Variants in ARHGAP39 observed in about 807,000 individuals in gnomAD.
The protein encoded by ARHGAP39 is rho GTPase-activating protein 39.
A neutral mutation model predicts 106.9 loss-of-function variants in ARHGAP39; 44 were observed. The ratio of observed to expected loss-of-function variants is 0.41; its 90% CI spans 0.32 to 0.53. ARHGAP39 has a LOEUF of 0.53. Among genes scored for constraint, ARHGAP39 ranks in the 20% least tolerant of loss-of-function variants. ARHGAP39 has a pLI of 0.21. For synonymous variants in ARHGAP39, 768 were observed against 693.2 expected (o/e 1.11, Z -1.69); for missense variants, 1,496 against 1,577.3 (o/e 0.95, Z 0.87).
chr8:144,571,364 G>A (rs1434816214), intron 3 of ARHGAP39, among the ~76,000 whole-genome samples: 1 of 152,096 alleles, frequency 6.6e-6, no homozygotes, highest in Non-Finnish European at 1.5e-5. Context: ...CACATAAACA[G>A]AACAATCGAC....
intron 1 of ARHGAP39, among the ~76,000 whole-genome samples, chr8:144,615,976 T>C (rs1209502261): frequency 6.6e-6 from 1 of 152,178 alleles, no homozygotes; most frequent in African/African-American, 2.4e-5. Flanking sequence ...TGGAATGGAC[T>C]TGGGAGGTCA....
chr8:144,605,632 C>A lies in ARHGAP39; in HGVS notation c.-18G>T, dbSNP rs1456026322. The A allele has an allele frequency of 1.9e-6, 3 of 1,611,380 alleles. No individual in the cohort carries two copies. In the Admixed American group the frequency reaches 5.0e-5, roughly 27 times the overall value. On this transcript the variant is annotated 5_prime_UTR_variant, in exon 2 of 12. Coordinates refer to ENST00000377307, the MANE Select transcript of ARHGAP39 (RefSeq NM_025251.3). ...TGGGACATCGCTGTTTGCTTCCGCG[C>A]CCACGTGGACAGACGTCAGGGCACC...
intron 1 of ARHGAP39, among the ~76,000 whole-genome samples, chr8:144,618,581 C>A (rs1040963973): frequency 5.3e-5 from 8 of 152,258 alleles, no homozygotes; most frequent in African/African-American, 1.9e-4. Flanking sequence ...CAGGCAGAGC[C>A]CCGAGGACGC....
intron 1 of ARHGAP39, among the ~76,000 whole-genome samples, chr8:144,678,503 G>A (rs1822302266): frequency 6.6e-6 from 1 of 152,204 alleles, no homozygotes; most frequent in Non-Finnish European, 1.5e-5. Flanking sequence ...GTTTTGGAAG[G>A]AGGGACGCCA....
At chr8:144,617,585 C>CAA (rs869298361) in intron 1 of ARHGAP39, among the ~76,000 whole-genome samples, 9 of 68,564 alleles carry the variant, frequency 1.3e-4, no homozygotes, top group African/African-American at 3.8e-4. Flanking sequence ...ACTGAAAAGA[C>CAA]AAAAAAAAAA....
At chr8:144,678,021 ATTCTCT>A (rs1822287804) in intron 1 of ARHGAP39, among the ~76,000 whole-genome samples, 1 of 152,222 alleles carries the variant, frequency 6.6e-6, no homozygotes, top group Non-Finnish European at 1.5e-5. Context: ...TGCGCCAGCC[ATTCTCT>A]GAGGGCAACT....
the ARHGAP39 span, among the ~76,000 whole-genome samples, chr8:144,696,227 C>T: frequency 6.6e-6 from 1 of 152,134 alleles, no homozygotes; most frequent in Admixed American, 6.5e-5. Flanking sequence ...CAACCTCCGC[C>T]TCCTGGGTTC....
intron 2 of ARHGAP39, among the ~76,000 whole-genome samples, chr8:144,598,437 A>G (rs964034727): frequency 2.0e-5 from 3 of 152,218 alleles, no homozygotes; most frequent in African/African-American, 7.2e-5. Context: ...TCGATGAGTC[A>G]GGTGTGGCTG....
intron 7 of ARHGAP39, among the ~76,000 whole-genome samples, 196 bp from the exon 8 acceptor site, chr8:144,534,398 C>G (rs1035653503): frequency 6.6e-6 from 1 of 152,314 alleles, no homozygotes; most frequent in East Asian, 1.9e-4. Flanking sequence ...AGGAGCACTT[C>G]CCCACCTGCA....
intron 1 of ARHGAP39, among the ~76,000 whole-genome samples, chr8:144,622,991 CA>C (rs887017103): frequency 2.0e-5 from 3 of 152,234 alleles, no homozygotes; most frequent in African/African-American, 7.2e-5. Flanking sequence ...AAGCTCTTAT[CA>C]CAGTCCTGGC....
At chr8:144,629,881 T>C (rs147498398) in intron 1 of ARHGAP39, among the ~76,000 whole-genome samples, 5 of 151,922 alleles carry the variant, frequency 3.3e-5, no homozygotes, top group Admixed American at 2.0e-4. Context: ...GGGCACATCC[T>C]GAGGGATGGC....
At chr8:144,682,621 T>G (rs1239943259) in intron 1 of ARHGAP39, among the ~76,000 whole-genome samples, 4 of 152,108 alleles carry the variant, frequency 2.6e-5, no homozygotes, top group African/African-American at 9.7e-5. Context: ...CTGCTGGTGA[T>G]TCCACCTTCT....
At position 144,547,807 on chromosome 8, in the gene ARHGAP39, A is replaced by G. The variant is rs1365667553; in HGVS notation, c.1279T>C (p.Tyr427His). The part of the protein sequence containing the change: ...KYAPNPGGGS[Y>H]SLQPSPCLLR... ...AGGCAGGGGCTGGGCTGCAAGGAGT[A>G]CGAACCACCGCCGGGGTTGGGCGCG... The change falls in exon 5 of 12, where the codon TAC (tyrosine) becomes CAC (histidine). Residue 427 changes from tyrosine to histidine, a missense_variant. Coordinates refer to ENST00000377307, the MANE Select transcript of ARHGAP39 (RefSeq NM_025251.3). The surrounding 1 kb of genome is among the most constrained non-coding windows in gnomAD (Gnocchi z 5.2). 1.9e-6 allele frequency: 3 copies of G among 1,592,930 alleles called. No homozygotes were observed. The Admixed American group carries it at 5.2e-5, about 27-fold the overall frequency.
At chr8:144,637,293 C>CT (rs941025974) in intron 1 of ARHGAP39, among the ~76,000 whole-genome samples, 6 of 152,058 alleles carry the variant, frequency 3.9e-5, no homozygotes, top group Admixed American at 2.6e-4. Flanking sequence ...TCTGTTTAGT[C>CT]TTTTTTTTCT....
At chr8:144,610,148 A>G (rs1453682921) in intron 1 of ARHGAP39, among the ~76,000 whole-genome samples, 2 of 152,228 alleles carry the variant, frequency 1.3e-5, no homozygotes, top group Non-Finnish European at 2.9e-5. Flanking sequence ...TATCTTCTTA[A>G]GAGCAACAGA....
chr8:144,543,664 AG>A (rs1817287116), intron 6 of ARHGAP39, among the ~76,000 whole-genome samples: 1 of 152,248 alleles, frequency 6.6e-6, no homozygotes, highest in Non-Finnish European at 1.5e-5. Context: ...CATGCAGGCC[AG>A]GACCCCACAG....
chr8:144,682,584 CA>C lies in ARHGAP39; in HGVS notation c.-82+3101del, dbSNP rs551055111. On this transcript the variant is annotated intron_variant, in intron 1 of 11. Coordinates refer to ENST00000377307, the MANE Select transcript of ARHGAP39 (RefSeq NM_025251.3). ...AAAAAAAAAAAATTCTTACTTCTCA[CA>C]ACAGCTTAGCAGGCAGAATGTTACA... Among the ~76,000 whole-genome samples, 19 of 151,372 alleles carry C rather than the reference CA, an allele frequency of 1.3e-4. 1 individual carries two copies. The South Asian group carries it at 3.8e-3, about 30-fold the overall frequency.
intron 2 of ARHGAP39, among the ~76,000 whole-genome samples, chr8:144,581,968 C>T (rs1325556188): frequency 6.6e-6 from 1 of 151,998 alleles, no homozygotes. Context: ...GGAGGCGTTC[C>T]CATGGACCCA....
At position 144,561,979 on chromosome 8, in the gene ARHGAP39, C is replaced by T. The variant is rs144563177; in HGVS notation, c.513-6336G>A. Among the ~76,000 whole-genome samples the T allele has an allele frequency of 6.4e-3, 972 of 151,470 alleles. 4 individuals are homozygous for T. The highest frequency in any genetic ancestry group is 0.01 in the Non-Finnish European group (708 of 67,830). The stretch of plus-strand genomic sequence containing the variant: ...TCCATCGGACTCCAGTGGTTTCCAT[C>T]GGACCCCAGTGGTTTCCATCACACT... On this transcript the variant is annotated intron_variant, in intron 3 of 11. Coordinates refer to ENST00000377307, the MANE Select transcript of ARHGAP39 (RefSeq NM_025251.3).
Sources: gnomAD v4.1 joint callset for allele counts (sites outside exome capture counted in the v4.1 genomes callset) on GRCh38, gnomAD v4.1.1 for gene constraint, Gnocchi (gnomAD v3.1) non-coding constraint, MANE v1.5 for transcripts, NCBI Gene and HGNC (gene_info 2026-07-23, HGNC 2026-07-21) for gene names.